The following SIM1 variants were observed in gnomAD, a reference collection of about 807,000 sequenced individuals.
SIM1 encodes the protein single-minded homolog 1.
A neutral mutation model predicts 78.2 loss-of-function variants in SIM1; 18 were observed. That is an observed-to-expected ratio of 0.23 (90% CI 0.16 to 0.34). The LOEUF (loss-of-function observed/expected upper bound fraction) is 0.34. SIM1 is among the 10% of genes least tolerant of loss of function. The pLI, the probability that SIM1 is intolerant of heterozygous loss-of-function variation, is 1.00. For synonymous variants in SIM1, 417 were observed against 385.2 expected (o/e 1.08, Z -0.97); for missense variants, 939 against 975.1 (o/e 0.96, Z 0.49).
In SIM1 at chr6:100,448,235, C is replaced by T. The variant is rs181955477; in HGVS notation, c.761G>A (p.Gly254Glu). Residue 254 changes from glycine to glutamate, a missense_variant, in exon 8 of 12, where the codon GGG (glycine) becomes GAG (glutamate). Around this residue, in one of 5 missense-constraint regions of SIM1, gnomAD observed 187 missense variants for 191.6 expected, o/e 0.98. Transcript: ENST00000369208. ...CTCAATCAGGTCCTGAGGTTCGTACCCCGTCAGCTCCGCCACCCTGAGGAG... is the reference window on the plus strand; with the variant it reads ...CTCAATCAGGTCCTGAGGTTCGTACTCCGTCAGCTCCGCCACCCTGAGGAG... The part of the protein sequence containing the change: ...FLDSRVAELT[G>E]YEPQDLIEKT... 11 of 1,613,078 alleles carry T rather than the reference C, an allele frequency of 6.8e-6. No individual in the cohort carries two copies. Among genetic ancestry groups the T allele is most frequent in the Non-Finnish European group, 9.3e-6 (11 of 1,179,648 alleles).
intron 10 of SIM1, among the ~76,000 whole-genome samples, chr6:100,405,930 G>T (rs973181841): frequency 3.9e-5 from 6 of 152,184 alleles, no homozygotes; most frequent in African/African-American, 7.2e-5. Flanking sequence ...TATGGAGAGA[G>T]TCGTTCCCAA....
At chr6:100,411,917 A>C (rs1332914578) in intron 10 of SIM1, among the ~76,000 whole-genome samples, 1 of 152,184 alleles carries the variant, frequency 6.6e-6, no homozygotes, top group Non-Finnish European at 1.5e-5. Flanking sequence ...GGGGGCAGAA[A>C]AAGACAAGGC....
At chr6:100,418,518 C>T (rs1325860065) in intron 10 of SIM1, among the ~76,000 whole-genome samples, 1 of 152,010 alleles carries the variant, frequency 6.6e-6, no homozygotes, top group Non-Finnish European at 1.5e-5. Context: ...AAGGGGTAGT[C>T]TAATGGTAGT....
At chr6:100,423,589 G>T (rs1445535490) in intron 9 of SIM1, among the ~76,000 whole-genome samples, 1 of 152,192 alleles carries the variant, frequency 6.6e-6, no homozygotes, top group Non-Finnish European at 1.5e-5. Context: ...AGAGTTAAGA[G>T]ATATTTTATT....
intron 9 of SIM1, among the ~76,000 whole-genome samples, chr6:100,445,715 C>A (rs541165558): frequency 6.6e-6 from 1 of 152,116 alleles, no homozygotes; most frequent in Non-Finnish European, 1.5e-5. Flanking sequence ...ACCACAGGCA[C>A]CCACCAGAGA....
chr6:100,412,684 A>AG lies in SIM1; in HGVS notation c.1167+8105_1167+8106insC, dbSNP rs1771261003. Among the ~76,000 whole-genome samples the AG allele has an allele frequency of 1.3e-4, 2 of 15,192 alleles. 1 individual carries two copies. The highest frequency in any genetic ancestry group is 2.5e-4 in the Non-Finnish European group (2 of 8,124). 10.0% of individuals were successfully genotyped at this position (15,192 alleles called of 152,430 possible). A position where few individuals can be genotyped will look rare whatever the true frequency, so the allele number is the denominator to read the frequency against. On this transcript the variant is annotated intron_variant, in intron 10 of 11. Transcript: ENST00000369208. ...GAGAGAGAGAGAGAGAAAGAAAGAA[A>AG]AAGAAAGAAAGAAAGAAAGAAAGAA...
At chr6:100,433,316 C>A (rs1237352379) in intron 9 of SIM1, among the ~76,000 whole-genome samples, 4 of 152,138 alleles carry the variant, frequency 2.6e-5, no homozygotes, top group Non-Finnish European at 5.9e-5. Context: ...TACTCAGTGG[C>A]CACCACAGTG....
At chr6:100,398,085 T>C (rs1402761082) in intron 10 of SIM1, among the ~76,000 whole-genome samples, 1 of 152,166 alleles carries the variant, frequency 6.6e-6, no homozygotes, top group Non-Finnish European at 1.5e-5. Flanking sequence ...ATGGTGTACC[T>C]AGTCTAGAAA....
At chr6:100,462,213 G>A (rs1287752006) in intron 2 of SIM1, among the ~76,000 whole-genome samples, 4 of 151,922 alleles carry the variant, frequency 2.6e-5, no homozygotes, top group African/African-American at 7.3e-5. Context: ...AACCTCCAGG[G>A]GTCAAATCAG....
chr6:100,458,850 T>C (rs1772759931), intron 2 of SIM1, among the ~76,000 whole-genome samples: 1 of 152,258 alleles, frequency 6.6e-6, no homozygotes, highest in African/African-American at 2.4e-5. Flanking sequence ...TTTTAGCACT[T>C]TAAGAGTAGC....
intron 11 of SIM1, 112 bp from the exon 12 acceptor site, chr6:100,391,203 A>G: frequency 8.4e-7 from 1 of 1,185,960 alleles, no homozygotes; most frequent in Non-Finnish European, 1.1e-6. Flanking sequence ...TAATATATGC[A>G]CCAATATTTG....
chr6:100,447,226 G>A (rs1193892413), intron 9 of SIM1, 42 bp downstream of exon 9: 1 of 1,599,412 alleles, frequency 6.3e-7, no homozygotes, highest in Non-Finnish European at 8.5e-7. Context: ...CAGAGAGCAG[G>A]GTCGCCTGGG....
intron 9 of SIM1, among the ~76,000 whole-genome samples, chr6:100,426,243 T>C (rs1341512358): frequency 2.0e-5 from 3 of 152,202 alleles, no homozygotes; most frequent in East Asian, 3.8e-4. Flanking sequence ...ATCTCACCCA[T>C]ATTTGCACAG....
chr6:100,390,854 G>A lies in SIM1; in HGVS notation c.1808C>T (p.Ser603Phe). The change falls in exon 12 of 12, where the codon TCC becomes TTC. Residue 603 changes from serine to phenylalanine, a missense_variant. Physicochemically the swap from Ser to Phe is radical, Grantham distance 155. This residue lies in a region of SIM1 where 556 missense variants were observed against 521.9 expected (regional missense o/e 1.07). Transcript: ENST00000369208. ...CTGTTGGTAGTTTGCAAAACACAGG[G>A]AGTGTTTTTTCCCAGCCCCATTAAT... ...ASINGAGKKH[S>F]LCFANYQQPP... The A allele has an allele frequency of 6.2e-7, 1 of 1,614,194 alleles. No homozygotes were observed. The highest frequency in any genetic ancestry group is 1.3e-5 in the African/African-American group (1 of 75,050).
At chr6:100,402,565 CTCTTTTT>C (rs1325499403) in intron 10 of SIM1, among the ~76,000 whole-genome samples, 4 of 106,174 alleles carry the variant, frequency 3.8e-5, no homozygotes, top group Admixed American at 2.2e-4. Context: ...CTTTTCTTTT[CTCTTTTT>C]TTTTTTTTTT....
chr6:100,461,756 C>A (rs1043304055), intron 2 of SIM1, among the ~76,000 whole-genome samples: 7 of 151,536 alleles, frequency 4.6e-5, no homozygotes, highest in African/African-American at 1.7e-4. Context: ...ATCCCATCAA[C>A]AATTCATAGC....
intron 2 of SIM1, among the ~76,000 whole-genome samples, chr6:100,457,968 G>T (rs925348295): frequency 6.0e-5 from 9 of 150,576 alleles, no homozygotes; most frequent in African/African-American, 2.2e-4. Flanking sequence ...TAAATGTGGG[G>T]TGGAGGCCGA....
At position 100,449,620 on chromosome 6, in the gene SIM1, T is replaced by C; in HGVS notation, c.428A>G (p.His143Arg). 1 of 1,613,964 alleles carries C rather than the reference T, an allele frequency of 6.2e-7. No individual in the cohort carries two copies. The highest frequency in any genetic ancestry group is 8.5e-7 in the Non-Finnish European group (1 of 1,179,870). Residue 143 changes from histidine to arginine, a missense_variant, in exon 5 of 12, where the codon CAT becomes CGT. Transcript: ENST00000369208. ...HDEMTAVLTA[H>R]QPYHSHFVQE... ...CACGAAGTGAGAGTGGTAGGGTTGATGGGCGGTGAGCACCGCCGTCATCTC... is the reference window on the plus strand; with the variant it reads ...CACGAAGTGAGAGTGGTAGGGTTGACGGGCGGTGAGCACCGCCGTCATCTC...
rs780269717 is a variant in SIM1, at chr6:100,448,498, G to C, written c.724C>G (p.Leu242Val). The C allele has an allele frequency of 1.9e-5, 30 of 1,613,874 alleles. No homozygotes were observed. The highest frequency in any genetic ancestry group is 2.5e-5 in the Non-Finnish European group (30 of 1,180,014). ...ACCCACCTGGAGTCCAGAAAGATGA[G>C]CTTCATGTCCAGGCTGGCGCGGAAC... Reference protein sequence around the residue: ...FMFRASLDMKLIFLDSRVAEL... With the variant: ...FMFRASLDMKVIFLDSRVAEL... Residue 242 changes from leucine to valine, a missense_variant, in exon 7 of 12, where the codon CTC becomes GTC. Leu to Val is a conservative substitution (Grantham distance 32). Transcript: ENST00000369208.
Sources: gnomAD v4.1 joint callset for allele counts (sites outside exome capture counted in the v4.1 genomes callset) on GRCh38, gnomAD v4.1.1 for gene constraint, gnomAD v4.1.1 regional missense constraint, MANE v1.5 for transcripts, NCBI Gene and HGNC (gene_info 2026-07-23, HGNC 2026-07-21) for gene names.